Variants in DPH6 observed in about 807,000 individuals in gnomAD.
The protein encoded by DPH6 is diphthamine biosynthesis 6, also known as diphthine--ammonia ligase.
Under a neutral mutation model 38.2 loss-of-function variants are expected in DPH6, and 33 were observed. That is an observed-to-expected ratio of 0.86 (90% CI 0.65 to 1.15). The LOEUF (loss-of-function observed/expected upper bound fraction) is 1.15, where lower values mean the gene tolerates loss of function less well. DPH6 is among the 50% of genes most tolerant of loss of function. The pLI is 0.00. For synonymous variants in DPH6, 108 were observed against 103.0 expected (o/e 1.05, Z -0.30); for missense variants, 325 against 320.0 (o/e 1.02, Z -0.12).
At position 35,371,732 on chromosome 15, in the gene DPH6, G is replaced by T; in HGVS notation, c.*418C>A. On this transcript the variant is annotated 3_prime_UTR_variant, in exon 9 of 9. Transcript: ENST00000256538. ...GACACCCAGTAGAATAAGCTTGACT[G>T]GCTAAATAAAGTGACCATCTTTTCA... 1.0e-6 allele frequency: 1 copy of T among 987,864 alleles called. No homozygotes were observed. Among genetic ancestry groups the T allele is most frequent in the Non-Finnish European group, 1.2e-6 (1 of 831,862 alleles). The allele number at this position is 987,864 out of a possible 1,614,324, so 61.2% of individuals were successfully genotyped here.
chr15:35,375,099 A>G (rs2052762843), intron 7 of DPH6, among the ~76,000 whole-genome samples: 1 of 152,058 alleles, frequency 6.6e-6, no homozygotes, highest in Non-Finnish European at 1.5e-5. Context: ...TATTCTTGAC[A>G]ATGGGGTGCG....
Position 35,546,112 on chromosome 15 carries a change from G to C in DPH6, c.23+7C>G, listed in dbSNP as rs1208801363. On this transcript the variant is annotated splice_region_variant and intron_variant, in intron 1 of 8. Transcript: ENST00000256538. ...GGAGGAAGGAGGCGGCTCCAGGACC[G>C]CATTACCTGATCAGAGCCGCGACCC... The C allele has an allele frequency of 2.8e-6, 4 of 1,405,984 alleles. No individual in the cohort carries two copies. The highest frequency in any genetic ancestry group is 3.8e-6 in the Non-Finnish European group (4 of 1,066,268). The allele number at this position is 1,405,984 out of a possible 1,614,324, so 87.1% of individuals were successfully genotyped here.
downstream of DPH6, among the ~76,000 whole-genome samples, chr15:35,214,408 C>G (rs1161175400): frequency 6.6e-6 from 1 of 152,104 alleles, no homozygotes; most frequent in East Asian, 1.9e-4. Flanking sequence ...AAGGATTTTC[C>G]TCCTTCTCAT....
At chr15:35,527,684 G>A (rs1039999346) in intron 3 of DPH6, among the ~76,000 whole-genome samples, 9 of 152,066 alleles carry the variant, frequency 5.9e-5, no homozygotes, top group African/African-American at 2.2e-4. Flanking sequence ...TGACTAAAAC[G>A]CAGCACTATT....
intron 5 of DPH6, among the ~76,000 whole-genome samples, chr15:35,445,834 A>G (rs1272802161): frequency 6.6e-6 from 1 of 152,224 alleles, no homozygotes; most frequent in Admixed American, 6.5e-5. Context: ...GGTGAGCTCA[A>G]GTGTTGCTAG....
At chr15:35,376,587 T>A (rs758408129) in intron 7 of DPH6, among the ~76,000 whole-genome samples, 2 of 152,142 alleles carry the variant, frequency 1.3e-5, no homozygotes, top group African/African-American at 2.4e-5. Context: ...TCCTAGGCCT[T>A]CCATTCACTC....
intron 3 of DPH6, among the ~76,000 whole-genome samples, chr15:35,364,257 T>C (rs547153635): frequency 3.3e-5 from 5 of 152,168 alleles, no homozygotes; most frequent in African/African-American, 1.2e-4. Context: ...GATTTTACAA[T>C]GACCACCTAT....
At chr15:35,520,322 A>G in intron 3 of DPH6, 1 of 982,488 alleles carries the variant, frequency 1.0e-6, no homozygotes, top group South Asian at 4.7e-5. Context: ...AGTAAAATAG[A>G]AAAAGCAAGT....
intron 6 of DPH6, among the ~76,000 whole-genome samples, chr15:35,399,923 A>C (rs1418441079): frequency 6.6e-6 from 1 of 152,206 alleles, no homozygotes; most frequent in Non-Finnish European, 1.5e-5. Flanking sequence ...TAACAAAGGA[A>C]AACACTGGAT....
At chr15:35,364,609 T>G (rs1017871813) in intron 3 of DPH6, among the ~76,000 whole-genome samples, 1 of 152,124 alleles carries the variant, frequency 6.6e-6, no homozygotes, top group Non-Finnish European at 1.5e-5. Flanking sequence ...CTATAAAAAT[T>G]TGATTTCATT....
intron 1 of DPH6, among the ~76,000 whole-genome samples, chr15:35,543,730 G>T (rs2055300473): frequency 6.6e-6 from 1 of 152,088 alleles, no homozygotes; most frequent in African/African-American, 2.4e-5. Context: ...TGGAAGGAGA[G>T]CACAAGGGCC....
chr15:35,234,145 AG>A (rs2051536838), intron 3 of DPH6, among the ~76,000 whole-genome samples: 1 of 152,224 alleles, frequency 6.6e-6, no homozygotes, highest in South Asian at 2.1e-4. Context: ...AGAAATGGCT[AG>A]GAAGTAGTCA....
the DPH6 span, among the ~76,000 whole-genome samples, chr15:35,177,630 CATCA>C: frequency 7.1e-6 from 1 of 140,070 alleles, no homozygotes; most frequent in Admixed American, 7.5e-5. Flanking sequence ...TCATCATCAT[CATCA>C]ATTTTTTAAA....
At chr15:35,370,046 C>T (rs2140918298), downstream of DPH6, among the ~76,000 whole-genome samples, 1 of 151,702 alleles carries the variant, frequency 6.6e-6, no homozygotes, top group Non-Finnish European at 1.5e-5. Flanking sequence ...ACTGGGGAGC[C>T]CAGAAATAGA....
chr15:35,347,987 AGATT>A (rs1427562644), intron 3 of DPH6, among the ~76,000 whole-genome samples: 1 of 152,048 alleles, frequency 6.6e-6, no homozygotes, highest in Non-Finnish European at 1.5e-5. Context: ...TTTTAAAATT[AGATT>A]ATTATTATTT....
At chr15:35,229,093 C>T (rs1472722008) in intron 3 of DPH6, among the ~76,000 whole-genome samples, 1 of 152,104 alleles carries the variant, frequency 6.6e-6, no homozygotes, top group Non-Finnish European at 1.5e-5. Context: ...ATATCTTCCC[C>T]TATGTTTGAA....
intron 6 of DPH6, among the ~76,000 whole-genome samples, chr15:35,383,410 A>G (rs965269606): frequency 6.6e-6 from 1 of 152,234 alleles, no homozygotes; most frequent in African/African-American, 2.4e-5. Context: ...GTTCTTCGAC[A>G]AACACTTTTT....
At chr15:35,160,103 C>T in the DPH6 span, among the ~76,000 whole-genome samples, 1 of 151,880 alleles carries the variant, frequency 6.6e-6, no homozygotes, top group Non-Finnish European at 1.5e-5. Context: ...ATGCTCACTA[C>T]CTGGGTGATG....
intron 3 of DPH6, among the ~76,000 whole-genome samples, chr15:35,487,924 T>C (rs1333520552): frequency 6.6e-6 from 1 of 152,222 alleles, no homozygotes; most frequent in East Asian, 1.9e-4. Flanking sequence ...CCAGGTCACA[T>C]CTTGAATGCT....
Sources: allele counts gnomAD v4.1 joint callset (sites outside exome capture counted in the v4.1 genomes callset), GRCh38; gene constraint gnomAD v4.1.1; transcripts MANE v1.5; gene names NCBI Gene and HGNC (gene_info 2026-07-23, HGNC 2026-07-21).